The following GPM6B variants were observed in gnomAD, a reference collection of about 807,000 sequenced individuals.
The protein encoded by GPM6B is glycoprotein M6B, also known as neuronal membrane glycoprotein M6-b.
A neutral mutation model predicts 27.2 loss-of-function variants in GPM6B; 4 were observed. That is an observed-to-expected ratio of 0.15 (90% CI 0.07 to 0.34). GPM6B has a LOEUF of 0.34. Among genes scored for constraint, GPM6B ranks in the 10% least tolerant of loss-of-function variants. GPM6B has a pLI of 1.00. For synonymous variants in GPM6B, 124 were observed against 103.1 expected (o/e 1.20, Z -1.23); for missense variants, 183 against 261.9 (o/e 0.70, Z 2.08).
rs185547520 is a variant in GPM6B at position 13,855,953 on chromosome X, G to A, written c.-197-70145C>T. On this transcript the variant is annotated intron_variant, in intron 1 of 6. Coordinates refer to the GPM6B transcript ENST00000398361. ...TCAGTTTCATCTACAAAATGAGTGG[G>A]TACAACTAGATGGATCCCAGGGCCC... Among the ~76,000 whole-genome samples, 161 of 111,111 alleles carry A rather than the reference G, an allele frequency of 1.4e-3. 1 individual carries two copies. The highest frequency in any genetic ancestry group is 4.7e-3 in the African/African-American group (144 of 30,495).
In GPM6B at chrX:13,855,419, CCAACAT is replaced by C. The variant is rs753262390; in HGVS notation, c.-197-69617_-197-69612del. On this transcript the variant is annotated intron_variant, in intron 1 of 6. Transcript: ENST00000398361. ...TTTTGTGTCTGGCTTCTTTCAGTCA[CCAACAT>C]GCTTGTGAGACTCATCTATGTTGCT... is the stretch of plus-strand genomic sequence containing the variant. Among the ~76,000 whole-genome samples the C allele has an allele frequency of 7.4e-3, 833 of 112,055 alleles. 6 individuals carry two copies. Among genetic ancestry groups the C allele is most frequent in the Non-Finnish European group, 0.012 (634 of 53,178 alleles).
intron 1 of GPM6B, among the ~76,000 whole-genome samples, chrX:13,835,240 GTCCTCA>G (rs2147221501): frequency 9.0e-6 from 1 of 111,303 alleles, no homozygotes; most frequent in Non-Finnish European, 1.9e-5. Flanking sequence ...GAGCCATCTG[GTCCTCA>G]GCCTTCCCAA....
intron 2 of GPM6B, among the ~76,000 whole-genome samples, chrX:13,795,215 A>G (rs2048787705): frequency 8.9e-6 from 1 of 112,433 alleles, no homozygotes; most frequent in South Asian, 3.6e-4. Flanking sequence ...ATATTTTCCA[A>G]ATAGCCAAGG....
intron 1 of GPM6B, among the ~76,000 whole-genome samples, chrX:13,859,267 C>T (rs1195343350): frequency 1.8e-5 from 2 of 112,074 alleles, no homozygotes; most frequent in Non-Finnish European, 3.8e-5. Flanking sequence ...CTGGCAACCA[C>T]TGATCTACTT....
intron 2 of GPM6B, among the ~76,000 whole-genome samples, chrX:13,804,318 C>T (rs1415731631): frequency 4.6e-5 from 5 of 108,545 alleles, no homozygotes; most frequent in Non-Finnish European, 9.5e-5. Flanking sequence ...CAATATGCCA[C>T]TGACTGGAGA....
chrX:13,886,719 T>TAAAAAAAA lies in GPM6B; in HGVS notation c.-198+51600_-198+51607dup, dbSNP rs5901522. On this transcript the variant is annotated intron_variant, in intron 1 of 6. Transcript: ENST00000398361. ...ACCTCTCTCTACCTTAAGTCACTAC[T>TAAAAAAAA]AAAAAAAAAAAAAAAAAAAAAAATC... Among the ~76,000 whole-genome samples the TAAAAAAAA allele has an allele frequency of 3.7e-4, 13 of 35,097 alleles. 2 individuals are homozygous for TAAAAAAAA. The highest frequency in any genetic ancestry group is 1.9e-3 in the African/African-American group (10 of 5,145). The allele number at this position is 35,097 out of a possible 115,157, so 30.5% of individuals were successfully genotyped here. A position where few individuals can be genotyped will look rare whatever the true frequency, so the allele number is the denominator to read the frequency against.
At chrX:13,776,734 A>G (rs1257838025) in intron 6 of GPM6B, among the ~76,000 whole-genome samples, 2 of 112,458 alleles carry the variant, frequency 1.8e-5, no homozygotes, top group African/African-American at 6.5e-5. Context: ...GCACCTACGA[A>G]TGCATTTAAG....
intron 4 of GPM6B, among the ~76,000 whole-genome samples, chrX:13,781,369 C>G (rs2048512871): frequency 8.9e-6 from 1 of 112,288 alleles, no homozygotes; most frequent in Non-Finnish European, 1.9e-5. Flanking sequence ...GGAACTGCGA[C>G]AGGCAAATCC....
intron 1 of GPM6B, among the ~76,000 whole-genome samples, chrX:13,825,398 C>A (rs982926236): frequency 1.8e-5 from 2 of 112,085 alleles, no homozygotes; most frequent in African/African-American, 6.5e-5. Context: ...GCAGAAGGTA[C>A]AGAGGAGAAA....
intron 1 of GPM6B, among the ~76,000 whole-genome samples, chrX:13,827,895 CAGG>C (rs995839195): frequency 1.8e-5 from 2 of 111,670 alleles, no homozygotes; most frequent in Admixed American, 1.9e-4. Context: ...CTTCAACATG[CAGG>C]AGTTGACGTC....
chrX:13,807,474 G>C (rs1397057112), intron 2 of GPM6B, among the ~76,000 whole-genome samples, 176 bp downstream of exon 2: 2 of 112,295 alleles, frequency 1.8e-5, no homozygotes, highest in African/African-American at 3.2e-5. Flanking sequence ...GAGAGGGAGA[G>C]AGAAAAAGAA....
At chrX:13,892,740 A>G (rs1045350256) in intron 1 of GPM6B, among the ~76,000 whole-genome samples, 1 of 111,605 alleles carries the variant, frequency 9.0e-6, no homozygotes, top group Non-Finnish European at 1.9e-5. Context: ...TACAGGGTGA[A>G]TTATCATTTT....
chrX:13,777,494 A>C, intron 5 of GPM6B, 69 bp from the exon 6 acceptor site: 1 of 673,913 alleles, frequency 1.5e-6, no homozygotes, highest in South Asian at 2.3e-5. Context: ...AGACCCCACC[A>C]CTTCGGATGC....
rs931146844 is a variant in GPM6B, at chrX:13,806,537, C to G, written c.181+1113G>C. On this transcript the variant is annotated intron_variant, in intron 2 of 7. Coordinates refer to ENST00000316715, the MANE Select transcript of GPM6B (RefSeq NM_001001995.3). ...ACACACAGAACCAACACCTGATAGC[C>G]ATAGGACAGATGAAGGAATGCATAA... Among the ~76,000 whole-genome samples the G allele has an allele frequency of 1.2e-4, 14 of 112,013 alleles. No homozygotes were observed. In the Admixed American group the frequency reaches 1.3e-3, roughly 11 times the overall value.
chrX:13,851,359 T>C (rs1460593529), intron 1 of GPM6B, among the ~76,000 whole-genome samples: 1 of 110,362 alleles, frequency 9.1e-6, no homozygotes, highest in Admixed American at 9.7e-5. Context: ...TCCTTACCTG[T>C]AGAGTGAAAA....
In GPM6B at chrX:13,817,000, T is replaced by C; in HGVS notation, c.-96A>G. ...TTTTGGACTCCCCTCCGTCTCTTATTTACACCCGTCTGATTGAGAGGCTCT... is the reference window on the plus strand; with the variant it reads ...TTTTGGACTCCCCTCCGTCTCTTATCTACACCCGTCTGATTGAGAGGCTCT... On this transcript the variant is annotated 5_prime_UTR_variant, in exon 1 of 8. Coordinates refer to ENST00000316715, the MANE Select transcript of GPM6B (RefSeq NM_001001995.3). The C allele has an allele frequency of 8.8e-7, 1 of 1,139,852 alleles. No homozygotes were observed. Among genetic ancestry groups the C allele is most frequent in the Non-Finnish European group, 1.2e-6 (1 of 863,681 alleles). 93.9% of individuals were successfully genotyped at this position (1,139,852 alleles called of 1,213,427 possible).
intron 1 of GPM6B, among the ~76,000 whole-genome samples, chrX:13,842,104 C>G (rs1473179421): frequency 8.9e-6 from 1 of 111,796 alleles, no homozygotes; most frequent in Non-Finnish European, 1.9e-5. Context: ...TCCAAAACGA[C>G]TTTGATCTCT....
intron 2 of GPM6B, among the ~76,000 whole-genome samples, chrX:13,799,195 T>A (rs2048872850): frequency 1.2e-4 from 1 of 8,670 alleles, no homozygotes; most frequent in African/African-American, 6.2e-4. Context: ...ACCTAATTTT[T>A]TTTTTTTTTT....
At chrX:13,930,405 G>C (rs1020218989) in intron 1 of GPM6B, among the ~76,000 whole-genome samples, 1 of 110,596 alleles carries the variant, frequency 9.0e-6, no homozygotes, top group African/African-American at 3.3e-5. Flanking sequence ...ACGAGGTCAG[G>C]AGATCGAGAC....
Sources: allele counts gnomAD v4.1 joint callset (sites outside exome capture counted in the v4.1 genomes callset), GRCh38; gene constraint gnomAD v4.1.1; transcripts MANE v1.5; gene names NCBI Gene and HGNC (gene_info 2026-07-23, HGNC 2026-07-21).